SLMAP: variants seen among roughly 807,000 people sequenced by gnomAD.
SLMAP encodes sarcolemmal membrane-associated protein.
SLMAP carries 44 observed loss-of-function variants against 128.8 expected under a neutral mutation model. The ratio of observed to expected loss-of-function variants is 0.34; its 90% confidence interval spans 0.27 to 0.44. The LOEUF (loss-of-function observed/expected upper bound fraction) is 0.44, where lower values mean the gene tolerates loss of function less well. Ranked by LOEUF, SLMAP falls within the 20% of genes least tolerant of loss-of-function variation. SLMAP has a pLI of 1.00. For missense variants in SLMAP, 787 were observed against 985.3 expected, an observed-to-expected ratio of 0.80 and a Z score of 2.69; for synonymous variants, 327 against 348.8, an observed-to-expected ratio of 0.94 and a Z score of 0.70.
intron 6 of SLMAP, among the ~76,000 whole-genome samples, chr3:57,853,735 G>T (rs1016830733): frequency 2.6e-5 from 4 of 151,448 alleles, no homozygotes; most frequent in African/African-American, 9.7e-5. Context: ...GTGGTCAGGA[G>T]TTCGAGACCA....
At chr3:57,892,392 C>G (rs902541407) in intron 15 of SLMAP, among the ~76,000 whole-genome samples, 1 of 152,100 alleles carries the variant, frequency 6.6e-6, no homozygotes, top group African/African-American at 2.4e-5. Context: ...ACTCAACTTG[C>G]AGTCATTACA....
intron 2 of SLMAP, among the ~76,000 whole-genome samples, chr3:57,829,115 G>T (rs542170325): frequency 6.6e-6 from 1 of 152,032 alleles, no homozygotes; most frequent in Non-Finnish European, 1.5e-5. Flanking sequence ...TTGAAAATAT[G>T]TTGTGGTTTT....
At chr3:57,767,498 C>T (rs2079984180) in intron 2 of SLMAP, among the ~76,000 whole-genome samples, 1 of 152,128 alleles carries the variant, frequency 6.6e-6, no homozygotes, top group Admixed American at 6.6e-5. Flanking sequence ...TTGCAGTTTG[C>T]AAAACATTTT....
intron 2 of SLMAP, among the ~76,000 whole-genome samples, chr3:57,821,482 G>T (rs1165093541): frequency 1.3e-5 from 2 of 152,028 alleles, no homozygotes; most frequent in Non-Finnish European, 2.9e-5. Context: ...CCCTTCAGTG[G>T]CACAATTAAA....
Position 57,757,756 on chromosome 3 carries a change from C to T in SLMAP, c.105C>T (p.Ala35=), listed in dbSNP as rs2077849954. 1.2e-6 allele frequency: 2 copies of T among 1,614,172 alleles called. No homozygotes were observed. Among genetic ancestry groups the T allele is most frequent in the Admixed American group, 3.3e-5 (2 of 60,024 alleles). ...CCATCAAAATCGGCCGCTCAGTGGC[C>T]CGCTGTCGACCAGCGCAGAATAATG... ...DEPIKIGRSV[A]RCRPAQNNAT... Residue 35 remains alanine, a synonymous_variant, in exon 2 of 25, where the codon GCC becomes GCT. Coordinates refer to ENST00000671191, the MANE Select transcript of SLMAP (RefSeq NM_001377540.1).
intron 23 of SLMAP, among the ~76,000 whole-genome samples, chr3:57,924,957 G>GT (rs547751743): frequency 0.016 from 2,151 of 136,706 alleles, 28 homozygotes; most frequent in African/African-American, 0.045. Flanking sequence ...TTTGTTTTTT[G>GT]TTTTTTTTTT....
At position 57,830,474 on chromosome 3, in the gene SLMAP, T is replaced by C. The variant is rs189600738; in HGVS notation, c.199-909T>C. 2.0e-5 allele frequency among the ~76,000 whole-genome samples: 3 copies of C among 152,162 alleles called. No homozygotes were observed. The East Asian group carries it at 5.8e-4, about 29-fold the overall frequency. On this transcript the variant is annotated intron_variant, in intron 2 of 24. Coordinates refer to ENST00000671191, the MANE Select transcript of SLMAP (RefSeq NM_001377540.1). ...AGTAGGGCTGAAGAGTGTAGAAAAA[T>C]CGAAAAAGAAAGGTACGTCTTTTTT...
intron 2 of SLMAP, among the ~76,000 whole-genome samples, chr3:57,780,190 A>G (rs1236806702): frequency 6.8e-6 from 1 of 146,450 alleles, no homozygotes; most frequent in Non-Finnish European, 1.5e-5. Flanking sequence ...TCTGTTGCCC[A>G]TGCTGGAGTG....
Position 57,922,980 on chromosome 3 carries a change from A to G in SLMAP, c.2402A>G (p.Gln801Arg), listed in dbSNP as rs142778041. The G allele has an allele frequency of 1.3e-4, 209 of 1,614,038 alleles. 2 individuals are homozygous for G. The Middle Eastern group carries it at 8.2e-3, about 64-fold the overall frequency. ...CAGTCAATCACAGATGAGCTCAAACAGTGTAAAAACAACCTGAAGCTGCTC... is the reference window on the plus strand; with the variant it reads ...CAGTCAATCACAGATGAGCTCAAACGGTGTAAAAACAACCTGAAGCTGCTC... ...EKQSITDELK[Q>R]CKNNLKLLRE... Residue 801 changes from glutamine to arginine, a missense_variant, in exon 23 of 25, where the codon CAG (glutamine) becomes CGG (arginine). Gln to Arg is a conservative substitution (Grantham distance 43, BLOSUM62 1). Coordinates refer to ENST00000671191, the MANE Select transcript of SLMAP (RefSeq NM_001377540.1).
rs138772472 is a variant in SLMAP at position 57,905,036 on chromosome 3, A to G, written c.1502-2848A>G. ...CAGTGAACTGTGATGGCACAACTGC[A>G]CTCTAGCCTGGGCAACAGAGCAAGA... On this transcript the variant is annotated intron_variant, in intron 17 of 24. Coordinates refer to ENST00000671191, the MANE Select transcript of SLMAP (RefSeq NM_001377540.1). Among the ~76,000 whole-genome samples, 630 of 152,112 alleles carry G rather than the reference A, an allele frequency of 4.1e-3. 6 individuals are homozygous for G. Among genetic ancestry groups the G allele is most frequent in the African/African-American group, 0.015 (612 of 41,488 alleles).
At chr3:57,894,198 C>T (rs2096175879) in intron 15 of SLMAP, among the ~76,000 whole-genome samples, 1 of 151,928 alleles carries the variant, frequency 6.6e-6, no homozygotes, top group South Asian at 2.1e-4. Context: ...AAATGTCCAC[C>T]ATGTCCCTAT....
Position 57,836,035 on chromosome 3 carries a change from A to G in SLMAP, c.346+4505A>G, listed in dbSNP as rs999091222. Among the ~76,000 whole-genome samples, 112 of 152,296 alleles carry G rather than the reference A, an allele frequency of 7.4e-4. 2 individuals carry two copies. Among genetic ancestry groups the G allele is most frequent in the African/African-American group, 2.5e-3 (104 of 41,564 alleles). On this transcript the variant is annotated intron_variant, in intron 3 of 24. Transcript: ENST00000671191. The stretch of plus-strand genomic sequence containing the variant: ...TTTTAAAACTCCCCATTTTACAGGT[A>G]TTAAAAAGAAAAAATTATATTAATT...
chr3:57,874,137 A>G (rs2095548828), intron 14 of SLMAP, among the ~76,000 whole-genome samples: 1 of 152,028 alleles, frequency 6.6e-6, no homozygotes, highest in Admixed American at 6.6e-5. Context: ...AGCAACAACA[A>G]AAAAATTATC....
chr3:57,840,929 G>C (rs1250894288), intron 3 of SLMAP, among the ~76,000 whole-genome samples: 1 of 152,088 alleles, frequency 6.6e-6, no homozygotes, highest in Non-Finnish European at 1.5e-5. Flanking sequence ...GGAAGATTTG[G>C]AATAAGAACT....
chr3:57,844,200 C>T (rs1297427247), intron 4 of SLMAP, among the ~76,000 whole-genome samples: 1 of 152,010 alleles, frequency 6.6e-6, no homozygotes, highest in Non-Finnish European at 1.5e-5. Flanking sequence ...TGAGACTAGC[C>T]TGGGCAACAG....
chr3:57,851,060 T>A (rs2094480656), intron 6 of SLMAP, among the ~76,000 whole-genome samples: 1 of 152,262 alleles, frequency 6.6e-6, no homozygotes, highest in Non-Finnish European at 1.5e-5. Flanking sequence ...CTATATTATT[T>A]AATTCTCACA....
chr3:57,898,063 T>C (rs983338337), intron 17 of SLMAP: 3 of 152,324 alleles, frequency 2.0e-5, no homozygotes, highest in African/African-American at 7.2e-5. Context: ...TTTCTCTTTG[T>C]GGAAGTGCCG....
At chr3:57,875,253 G>A (rs1263867328) in intron 14 of SLMAP, among the ~76,000 whole-genome samples, 1 of 152,190 alleles carries the variant, frequency 6.6e-6, no homozygotes, top group African/African-American at 2.4e-5. Flanking sequence ...ACCAGGCACA[G>A]TGGCTCATAC....
At chr3:57,797,135 T>C (rs912287108) in intron 2 of SLMAP, among the ~76,000 whole-genome samples, 1 of 149,962 alleles carries the variant, frequency 6.7e-6, no homozygotes, top group Non-Finnish European at 1.5e-5. Context: ...TGAGCTATGA[T>C]TGTACCACTG....
Sources: gnomAD v4.1 joint callset for allele counts (sites outside exome capture counted in the v4.1 genomes callset) on GRCh38, gnomAD v4.1.1 for gene constraint, MANE v1.5 for transcripts, NCBI Gene and HGNC (gene_info 2026-07-23, HGNC 2026-07-21) for gene names.